The following METTL8 variants were observed in gnomAD, a reference collection of about 807,000 sequenced individuals.
The protein encoded by METTL8 is tRNA N(3)-cytidine methyltransferase METTL8, mitochondrial.
A neutral mutation model predicts 48.7 loss-of-function variants in METTL8; 32 were observed. The observed-to-expected ratio is 0.66, with a 90% CI of 0.50 to 0.88. The LOEUF (loss-of-function observed/expected upper bound fraction) is 0.88, where lower values mean the gene tolerates loss of function less well. METTL8 is among the 40% of genes least tolerant of loss of function. METTL8 has a pLI of 0.00. For missense variants in METTL8, 464 were observed against 474.4 expected, an observed-to-expected ratio of 0.98 and a Z score of 0.20; for synonymous variants, 136 against 157.1, an observed-to-expected ratio of 0.87 and a Z score of 1.01.
rs1263411004 is a variant in METTL8, at chr2:171,339,347, G to A, written c.443C>T (p.Thr148Ile). 13 of 1,613,218 alleles carry A rather than the reference G, an allele frequency of 8.1e-6. No individual in the cohort carries two copies. The highest frequency in any genetic ancestry group is 1.1e-5 in the Non-Finnish European group (13 of 1,179,584). ...TNRFSRMHCPTVPDEKNHYEK... is the reference protein window; with the variant it reads ...TNRFSRMHCPIVPDEKNHYEK... ...ATAATGATTTTTTTCATCAGGCACA[G>A]TAGGACAGTGCATTCTTGAGAAACG... The change falls in exon 4 of 10, where the codon ACT becomes ATT. Residue 148 changes from threonine to isoleucine, a missense_variant. Thr to Ile is a moderately conservative substitution (Grantham distance 89). Transcript: ENST00000375258.
At chr2:171,404,176 TAA>T (rs1689950536) in intron 1 of METTL8, among the ~76,000 whole-genome samples, 1 of 143,566 alleles carries the variant, frequency 7.0e-6, no homozygotes, top group Non-Finnish European at 1.5e-5. Flanking sequence ...CAATATACAA[TAA>T]GTTATGTGAA....
chr2:171,429,932 C>T (rs1047374039), intron 1 of METTL8, among the ~76,000 whole-genome samples: 3 of 151,682 alleles, frequency 2.0e-5, no homozygotes, highest in Non-Finnish European at 2.9e-5. Flanking sequence ...CCCAGCTACT[C>T]GGGAGGCTAA....
chr2:171,415,349 C>CTTTTTTTT (rs762739077), intron 1 of METTL8, among the ~76,000 whole-genome samples: 5 of 112,398 alleles, frequency 4.4e-5, no homozygotes, highest in East Asian at 2.5e-4. Context: ...ATCTCGAAAT[C>CTTTTTTTT]TTTTTTTTTT....
At chr2:171,356,562 A>AC (rs1214916303) in intron 3 of METTL8, among the ~76,000 whole-genome samples, 3 of 148,610 alleles carry the variant, frequency 2.0e-5, no homozygotes, top group Non-Finnish European at 4.5e-5. Context: ...ATCTCTCTTC[A>AC]CCCCCCACCC....
intron 1 of METTL8, among the ~76,000 whole-genome samples, chr2:171,413,143 T>G (rs1000950291): frequency 6.6e-6 from 1 of 152,226 alleles, no homozygotes; most frequent in Admixed American, 6.5e-5. Context: ...TGGATTTTAA[T>G]GTAGCAGAAT....
chr2:171,375,151 T>C, intron 2 of METTL8: 1 of 1,460,984 alleles, frequency 6.8e-7, no homozygotes, highest in Non-Finnish European at 9.5e-7. Flanking sequence ...CTCCACTACG[T>C]TTCGAATGAC....
At chr2:171,414,936 G>A (rs777656132) in intron 1 of METTL8, among the ~76,000 whole-genome samples, 4 of 152,010 alleles carry the variant, frequency 2.6e-5, no homozygotes, top group Admixed American at 6.5e-5. Context: ...AGATCTGATG[G>A]TTTTATAAGG....
rs372441029 is a variant in METTL8, at chr2:171,387,074, A to G, written c.143+4969T>C. Among the ~76,000 whole-genome samples the G allele has an allele frequency of 1.5e-4, 23 of 152,292 alleles. 1 individual carries two copies. The highest frequency in any genetic ancestry group is 5.3e-4 in the African/African-American group (22 of 41,554). ...AACCTTGCACTCATTCTCCAAGCTC[A>G]TAAGTGATCCGATTCTTCCCATACA... On this transcript the variant is annotated intron_variant, in intron 2 of 9. Coordinates refer to ENST00000375258, the MANE Select transcript of METTL8 (RefSeq NM_001321154.2).
At chr2:171,423,850 A>T (rs1018251669) in intron 1 of METTL8, among the ~76,000 whole-genome samples, 9 of 152,248 alleles carry the variant, frequency 5.9e-5, no homozygotes, top group African/African-American at 2.2e-4. Flanking sequence ...CAAGGAGCCA[A>T]ATGCTAATCA....
Position 171,355,422 on chromosome 2 carries a change from T to C in METTL8, c.235+5000A>G, listed in dbSNP as rs142958910. ...GTTAGGCTACTTGGGGGTCAGGGAC[T>C]CACTTGAGGAGGCAGTCTGTCCCTC... On this transcript the variant is annotated intron_variant, in intron 3 of 9. Coordinates refer to ENST00000375258, the MANE Select transcript of METTL8 (RefSeq NM_001321154.2). 1.9e-3 allele frequency among the ~76,000 whole-genome samples: 288 copies of C among 152,270 alleles called. 6 individuals carry two copies. The East Asian group carries it at 0.028, about 15-fold the overall frequency.
chr2:171,373,311 G>T (rs1399629415), intron 2 of METTL8, among the ~76,000 whole-genome samples: 3 of 152,140 alleles, frequency 2.0e-5, no homozygotes, highest in Non-Finnish European at 2.9e-5. Flanking sequence ...CATATCCTTT[G>T]CCCACTTTTT....
In METTL8 at chr2:171,326,097, C is replaced by T. The variant is rs2105386306; in HGVS notation, c.912G>A (p.Met304Ile). ...ATCTTCCATAGTCTCGAAATAACAG[C>T]ATTCCCCCAGGTTTCAGTAACTTGG... ...RLSKLLKPGG[M>I]LLFRDYGRYD... Residue 304 changes from methionine (M) to isoleucine (I), a missense_variant, in exon 8 of 10, where the codon ATG (methionine) becomes ATA (isoleucine). Physicochemically the swap from Met to Ile is conservative, Grantham distance 10 (BLOSUM62 1). Transcript: ENST00000375258. 6.4e-7 allele frequency: 1 copy of T among 1,550,778 alleles called. No individual in the cohort carries two copies. Among genetic ancestry groups the T allele is most frequent in the East Asian group, 2.4e-5 (1 of 40,858 alleles).
intron 3 of METTL8, among the ~76,000 whole-genome samples, 193 bp from the exon 4 acceptor site, chr2:171,339,747 A>T (rs1224654517): frequency 6.6e-6 from 1 of 152,156 alleles, no homozygotes; most frequent in African/African-American, 2.4e-5. Flanking sequence ...TTCTCTCAAA[A>T]TGTGTCAAAA....
intron 3 of METTL8, among the ~76,000 whole-genome samples, chr2:171,353,197 T>C (rs1478133981): frequency 6.6e-6 from 1 of 152,230 alleles, no homozygotes; most frequent in East Asian, 1.9e-4. Flanking sequence ...TCAAAGAACA[T>C]CTTTATTTCT....
At chr2:171,412,428 C>T (rs1324394421) in intron 1 of METTL8, among the ~76,000 whole-genome samples, 1 of 152,218 alleles carries the variant, frequency 6.6e-6, no homozygotes, top group African/African-American at 2.4e-5. Flanking sequence ...AATTTGGTCA[C>T]AAACTATTCC....
chr2:171,349,031 C>G (rs867033090), intron 3 of METTL8, among the ~76,000 whole-genome samples: 6 of 152,180 alleles, frequency 3.9e-5, no homozygotes, highest in Middle Eastern at 6.8e-3. Context: ...AACATCTTAA[C>G]TATTTTAAAA....
Position 171,324,212 on chromosome 2 carries a change from TTC to T in METTL8, c.1182_1183del (p.Asn395Ter). The T allele has an allele frequency of 6.5e-7, 1 of 1,550,380 alleles. No homozygotes were observed. The highest frequency in any genetic ancestry group is 8.7e-7 in the Non-Finnish European group (1 of 1,146,830). On this transcript the variant is annotated frameshift_variant, in exon 10 of 10. Transcript: ENST00000375258. LOFTEE classifies it low-confidence loss of function (END_TRUNC). ...GAGTGTAGATACCATATTGGAGCTATTCTGAGTCTGGTGCAATGGTTTCTGGA... is the reference window on the plus strand; with the variant it reads ...GAGTGTAGATACCATATTGGAGCTATTGAGTCTGGTGCAATGGTTTCTGGA...
intron 2 of METTL8, among the ~76,000 whole-genome samples, chr2:171,370,296 T>G (rs1046166176): frequency 1.3e-5 from 2 of 152,210 alleles, no homozygotes; most frequent in Non-Finnish European, 2.9e-5. Context: ...TTTTTTTAAC[T>G]GTTAAATATT....
At chr2:171,415,464 G>C (rs1369458704) in intron 1 of METTL8, among the ~76,000 whole-genome samples, 1 of 143,498 alleles carries the variant, frequency 7.0e-6, no homozygotes, top group African/African-American at 2.6e-5. Flanking sequence ...GCAATTCTCT[G>C]CCTCAGCCTC....
Sources: gnomAD v4.1 joint callset for allele counts (sites outside exome capture counted in the v4.1 genomes callset) on GRCh38, gnomAD v4.1.1 for gene constraint, MANE v1.5 for transcripts, NCBI Gene and HGNC (gene_info 2026-07-23, HGNC 2026-07-21) for gene names.